COTL1: variants seen among roughly 807,000 people sequenced by gnomAD.
COTL1 encodes coactosin-like protein.
In COTL1, 15 loss-of-function variants were observed where a neutral mutation model predicts 16.5. That is an observed-to-expected ratio of 0.91 (90% CI 0.61 to 1.40). COTL1 has a LOEUF of 1.40. Ranked by LOEUF, COTL1 falls within the 40% of genes most tolerant of loss-of-function variation. COTL1 has a pLI of 0.00. For missense variants in COTL1, 220 were observed against 201.5 expected, an observed-to-expected ratio of 1.09 and a Z score of -0.56; for synonymous variants, 112 against 85.3, an observed-to-expected ratio of 1.31 and a Z score of -1.73.
chr16:84,599,032 A>G (rs1014596898), intron 2 of COTL1, among the ~76,000 whole-genome samples: 2 of 151,956 alleles, frequency 1.3e-5, no homozygotes, highest in Non-Finnish European at 2.9e-5. Flanking sequence ...AACTCCCCAA[A>G]AGTTACAAAC....
intron 3 of COTL1, among the ~76,000 whole-genome samples, chr16:84,583,713 G>A (rs768039567): frequency 6.6e-6 from 1 of 152,124 alleles, no homozygotes; most frequent in Non-Finnish European, 1.5e-5. Flanking sequence ...TCCTGCCTTG[G>A]TCTCCCAAAA....
At chr16:84,569,960 T>A (rs1904316446) in intron 3 of COTL1, among the ~76,000 whole-genome samples, 1 of 152,200 alleles carries the variant, frequency 6.6e-6, no homozygotes, top group Non-Finnish European at 1.5e-5. Context: ...GTCGGTTAGC[T>A]ATTAGAAGAT....
intron 2 of COTL1, among the ~76,000 whole-genome samples, chr16:84,602,772 T>G (rs1905126872): frequency 6.6e-6 from 1 of 151,896 alleles, no homozygotes; most frequent in Non-Finnish European, 1.5e-5. Flanking sequence ...GGAGAATTGC[T>G]TGAGTCCAGG....
At position 84,578,691 on chromosome 16, in the gene COTL1, G is replaced by C. The variant is rs146442304; in HGVS notation, c.318+11414C>G. On this transcript the variant is annotated intron_variant, in intron 3 of 3. Transcript: ENST00000262428. ...CACAAGTGTGCACACACACACACAG[G>C]AATGTACCCACACAGGTGCACACAC... 7.3e-4 allele frequency among the ~76,000 whole-genome samples: 106 copies of C among 145,736 alleles called. 1 individual carries two copies. In the East Asian group the frequency reaches 0.013, roughly 17 times the overall value.
chr16:84,612,141 G>A (rs1433819444), intron 2 of COTL1, among the ~76,000 whole-genome samples: 1 of 152,118 alleles, frequency 6.6e-6, no homozygotes, highest in East Asian at 1.9e-4. Flanking sequence ...TTTATGGAGT[G>A]CTCACTATGT....
chr16:84,573,525 A>C (rs1904379713), intron 3 of COTL1, among the ~76,000 whole-genome samples: 1 of 152,248 alleles, frequency 6.6e-6, no homozygotes. Flanking sequence ...GCTCATGCCC[A>C]GCACTTTGGG....
intron 2 of COTL1, among the ~76,000 whole-genome samples, chr16:84,601,582 G>A (rs537437353): frequency 6.6e-6 from 1 of 152,126 alleles, no homozygotes; most frequent in African/African-American, 2.4e-5. Flanking sequence ...TCAGCCTCCC[G>A]AGTAGCTGGG....
At chr16:84,570,882 C>T (rs1000930227) in intron 3 of COTL1, among the ~76,000 whole-genome samples, 1 of 151,986 alleles carries the variant, frequency 6.6e-6, no homozygotes, top group African/African-American at 2.4e-5. Flanking sequence ...TCCTGTATTC[C>T]TATTTCGTTT....
chr16:84,617,397 C>G, intron 2 of COTL1, 104 bp downstream of exon 2: 1 of 1,052,412 alleles, frequency 9.5e-7, no homozygotes, highest in Non-Finnish European at 1.4e-6. Flanking sequence ...CAGGGGCACC[C>G]CATGTGGCCA....
At chr16:84,598,443 C>A (rs2150691283) in intron 2 of COTL1, among the ~76,000 whole-genome samples, 1 of 152,274 alleles carries the variant, frequency 6.6e-6, no homozygotes, top group East Asian at 1.9e-4. Flanking sequence ...GTAAGTTCAT[C>A]TGTGTCAACA....
chr16:84,614,595 A>G (rs1567542077), intron 2 of COTL1, among the ~76,000 whole-genome samples: 1 of 152,124 alleles, frequency 6.6e-6, no homozygotes, highest in Non-Finnish European at 1.5e-5. Flanking sequence ...GGTTGGGAGA[A>G]GAGCAGGACC....
At chr16:84,617,427 C>A in intron 2 of COTL1, 74 bp downstream of exon 2, 2 of 1,432,410 alleles carry the variant, frequency 1.4e-6, no homozygotes, top group Non-Finnish European at 1.9e-6. Context: ...CCCGGGTTCG[C>A]TCTGGCCGGG....
intron 3 of COTL1, among the ~76,000 whole-genome samples, chr16:84,575,068 G>A (rs1356958050): frequency 6.6e-6 from 1 of 151,890 alleles, no homozygotes; most frequent in Non-Finnish European, 1.5e-5. Flanking sequence ...TGAAGTTTTT[G>A]TTCTTGTCAC....
rs147378148 is a variant in COTL1 at position 84,566,208 on chromosome 16, G to C, written c.*637C>G. The C allele has an allele frequency of 3.3e-4, 51 of 152,778 alleles. No individual in the cohort carries two copies. The highest frequency in any genetic ancestry group is 1.2e-3 in the African/African-American group (49 of 41,546). 9.5% of individuals were successfully genotyped at this position (152,778 alleles called of 1,614,324 possible). ...ATCTCTTCTTATTCAGTCTGAGCCG[G>C]ACCTAACCTTCTCACCACCGAGCAA... On this transcript the variant is annotated 3_prime_UTR_variant, in exon 4 of 4. Coordinates refer to ENST00000262428, the MANE Select transcript of COTL1 (RefSeq NM_021149.5).
chr16:84,570,283 A>G (rs118049753), intron 3 of COTL1, among the ~76,000 whole-genome samples: 78 of 152,328 alleles, frequency 5.1e-4, no homozygotes, highest in Non-Finnish European at 9.3e-4. Flanking sequence ...TCAAAAAAAG[A>G]AAAATAAGTT....
intron 3 of COTL1, chr16:84,576,582 G>C (rs1904458323): frequency 6.6e-6 from 1 of 152,216 alleles, no homozygotes; most frequent in Non-Finnish European, 1.5e-5. Flanking sequence ...GAAATGCCCG[G>C]AAGGCAGTAT....
intron 3 of COTL1, among the ~76,000 whole-genome samples, chr16:84,585,353 C>CAA (rs5818498): frequency 0.085 from 10,774 of 126,870 alleles, 539 homozygotes; most frequent in African/African-American, 0.14. Context: ...AGATTGTCTC[C>CAA]AAAAAAAAAA....
In COTL1 at chr16:84,617,879, C is replaced by G. The variant is rs768888381; in HGVS notation, c.36G>C (p.Ala12=). Residue 12 remains alanine (A), a synonymous_variant, in exon 1 of 4, where the codon GCG becomes GCC. Transcript: ENST00000262428. ...CGTCGTCGCGCACCAGGTTGTACGC[C>G]GCCCGGCAAGCCTCTTTGTCGATCT... is the stretch of plus-strand genomic sequence containing the variant. ...ATKIDKEACR[A]AYNLVRDDGS... 71 of 1,572,642 alleles carry G rather than the reference C, an allele frequency of 4.5e-5. No individual in the cohort carries two copies. The highest frequency in any genetic ancestry group is 5.8e-5 in the Non-Finnish European group (67 of 1,160,288).
chr16:84,615,362 C>G (rs934674858), intron 2 of COTL1, among the ~76,000 whole-genome samples: 1 of 152,216 alleles, frequency 6.6e-6, no homozygotes, highest in South Asian at 2.1e-4. Flanking sequence ...AAACCACAAG[C>G]CTGTGGGAGG....
Sources: allele counts gnomAD v4.1 joint callset (sites outside exome capture counted in the v4.1 genomes callset), GRCh38; gene constraint gnomAD v4.1.1; transcripts MANE v1.5; gene names NCBI Gene and HGNC (gene_info 2026-07-23, HGNC 2026-07-21).